The following CDKL1 variants were observed in gnomAD, a reference collection of about 807,000 sequenced individuals.
CDKL1 encodes the protein cyclin-dependent kinase-like 1.
In CDKL1, 41 loss-of-function variants were observed where a neutral mutation model predicts 42.0. The observed-to-expected ratio is 0.98, with a 90% CI of 0.76 to 1.27. The LOEUF (loss-of-function observed/expected upper bound fraction) is 1.27. Ranked by LOEUF, CDKL1 falls within the 50% of genes most tolerant of loss-of-function variation. The probability of loss-of-function intolerance (pLI) is 0.00; values close to 1 mark genes in which losing one functional copy is unlikely to be tolerated. For missense variants in CDKL1, 394 were observed against 428.4 expected, an observed-to-expected ratio of 0.92 and a Z score of 0.71; for synonymous variants, 153 against 158.6, an observed-to-expected ratio of 0.96 and a Z score of 0.26.
intron 3 of CDKL1, among the ~76,000 whole-genome samples, chr14:50,355,173 T>A (rs992358650): frequency 2.6e-5 from 4 of 152,222 alleles, no homozygotes; most frequent in African/African-American, 9.6e-5. Context: ...TAAAACTTTA[T>A]TATAATTTAC....
intron 2 of CDKL1, chr14:50,380,221 T>C (rs1441453017): frequency 1.9e-6 from 1 of 532,496 alleles, no homozygotes; most frequent in Non-Finnish European, 3.8e-6. Flanking sequence ...AAATAGTAAA[T>C]CCGAAGCAAA....
intron 7 of CDKL1, among the ~76,000 whole-genome samples, chr14:50,336,423 G>A (rs1231654485): frequency 6.6e-6 from 1 of 152,168 alleles, no homozygotes; most frequent in African/African-American, 2.4e-5. Flanking sequence ...GGAATGTCCA[G>A]ATCACAAGGA....
At chr14:50,334,461 A>G (rs1261739744) in intron 8 of CDKL1, 104 bp downstream of exon 8, 8 of 779,160 alleles carry the variant, frequency 1.0e-5, no homozygotes, top group Non-Finnish European at 1.8e-5. Flanking sequence ...GAAGAATTCT[A>G]AAAGGAACAC....
At position 50,396,347 on chromosome 14, in the gene CDKL1, A is replaced by T; in HGVS notation, c.-461-18T>A. The T allele has an allele frequency of 4.0e-6, 4 of 988,000 alleles. No individual in the cohort carries two copies. The highest frequency in any genetic ancestry group is 4.8e-6 in the Non-Finnish European group (4 of 831,948). The allele number at this position is 988,000 out of a possible 1,614,324, so 61.2% of individuals were successfully genotyped here. A position where few individuals can be genotyped will look rare whatever the true frequency, so the allele number is the denominator to read the frequency against. On this transcript the variant is annotated intron_variant, in intron 1 of 9. Transcript: ENST00000395834. Reference sequence around the variant, plus strand: ...TCACGGTCCTAGAACAGAACAGCACATGTTAAGGAATGAAGAGTGTACCCG... The same window carrying T: ...TCACGGTCCTAGAACAGAACAGCACTTGTTAAGGAATGAAGAGTGTACCCG...
At chr14:50,334,705 T>C (rs1445588061) in intron 7 of CDKL1, 84 bp from the exon 8 acceptor site, 1 of 888,646 alleles carries the variant, frequency 1.1e-6, no homozygotes, top group Non-Finnish European at 1.9e-6. Context: ...ATAGAAACAT[T>C]TTCCTGGCAC....
At chr14:50,374,933 G>A (rs547718203) in intron 2 of CDKL1, among the ~76,000 whole-genome samples, 1 of 152,248 alleles carries the variant, frequency 6.6e-6, no homozygotes, top group South Asian at 2.1e-4. Flanking sequence ...ACTGGGTCCT[G>A]TTGGGGGTTG....
intron 2 of CDKL1, chr14:50,363,897 A>G (rs1160948822): frequency 6.6e-6 from 1 of 152,102 alleles, no homozygotes; most frequent in Non-Finnish European, 1.5e-5. Flanking sequence ...AATTTCTCTC[A>G]CTTCCTAGAA....
chr14:50,332,007 C>G, intron 9 of CDKL1: 1 of 1,532,458 alleles, frequency 6.5e-7, no homozygotes, highest in Non-Finnish European at 8.7e-7. Flanking sequence ...CTTGTTGAGA[C>G]CTGTGCTCAT....
chr14:50,372,650 G>C (rs752054262), intron 2 of CDKL1, among the ~76,000 whole-genome samples: 3 of 152,100 alleles, frequency 2.0e-5, no homozygotes, highest in Non-Finnish European at 4.4e-5. Context: ...TTCCCCCTAT[G>C]TTTTCTTCTA....
chr14:50,342,276 T>C, intron 4 of CDKL1, 54 bp from the exon 5 acceptor site: 1 of 1,540,374 alleles, frequency 6.5e-7, no homozygotes, highest in Non-Finnish European at 9.0e-7. Context: ...ATATATGGGA[T>C]AAATGAAACA....
chr14:50,339,532 G>A lies in CDKL1; in HGVS notation c.656-503C>T, dbSNP rs148178458. 1.8e-3 allele frequency among the ~76,000 whole-genome samples: 264 copies of A among 147,364 alleles called. 1 individual carries two copies. Among genetic ancestry groups the A allele is most frequent in the African/African-American group, 5.8e-3 (232 of 40,048 alleles). ...AGAGAGGGAGGGAGGAAGAGAGGGA[G>A]GGAGGGAGGGGAGGGGAGGGGAAGG... On this transcript the variant is annotated intron_variant, in intron 6 of 9. Transcript: ENST00000395834.
chr14:50,347,951 T>C (rs2033781915), intron 3 of CDKL1, among the ~76,000 whole-genome samples: 1 of 152,152 alleles, frequency 6.6e-6, no homozygotes, highest in African/African-American at 2.4e-5. Flanking sequence ...CTGAAGAAAG[T>C]GTGTCAAAGG....
Position 50,328,719 on chromosome 14 carries a change from G to A in CDKL1, c.*1355C>T, listed in dbSNP as rs2032795517. On this transcript the variant is annotated 3_prime_UTR_variant, in exon 10 of 10. Coordinates refer to ENST00000395834, the MANE Select transcript of CDKL1 (RefSeq NM_004196.7). ...AATTATGTCATTTTGGCCAGGCGCA[G>A]TGGCTCATGCCTGTAATGCCAGCAC... is the stretch of plus-strand genomic sequence containing the variant. 1 of 152,104 alleles carries A rather than the reference G, an allele frequency of 6.6e-6. No homozygotes were observed. Among genetic ancestry groups the A allele is most frequent in the Admixed American group, 6.6e-5 (1 of 15,262 alleles). The allele number at this position is 152,104 out of a possible 1,614,324, so 9.4% of individuals were successfully genotyped here. A position where few individuals can be genotyped will look rare whatever the true frequency, so the allele number is the denominator to read the frequency against.
intron 7 of CDKL1, among the ~76,000 whole-genome samples, chr14:50,337,553 A>G (rs780531127): frequency 2.0e-5 from 3 of 150,866 alleles, no homozygotes; most frequent in Non-Finnish European, 3.0e-5. Flanking sequence ...GGGTCTTGCT[A>G]TGTTGCCCAG....
chr14:50,338,576 G>A (rs749697173), intron 7 of CDKL1, among the ~76,000 whole-genome samples: 2 of 152,010 alleles, frequency 1.3e-5, no homozygotes, highest in Non-Finnish European at 2.9e-5. Flanking sequence ...GGAGACCATG[G>A]GCATAGTAGA....
At chr14:50,358,987 C>CA (rs762839612) in intron 3 of CDKL1, 41 bp downstream of exon 3, 7 of 1,582,794 alleles carry the variant, frequency 4.4e-6, no homozygotes, top group Middle Eastern at 1.7e-4. Flanking sequence ...TCACAAATCC[C>CA]AGTGTGTCTT....
chr14:50,342,566 T>G (rs1215268945), intron 4 of CDKL1: 3 of 328,154 alleles, frequency 9.1e-6, no homozygotes, highest in Non-Finnish European at 1.4e-5. Flanking sequence ...GCACTTGGGA[T>G]GTACTTATAC....
chr14:50,335,875 GT>G, intron 7 of CDKL1: 1 of 1,267,722 alleles, frequency 7.9e-7, no homozygotes, highest in Non-Finnish European at 1.0e-6. Flanking sequence ...ATTGATAAGA[GT>G]AGGAGAGAAG....
chr14:50,339,590 A>G (rs1336021779), intron 6 of CDKL1, among the ~76,000 whole-genome samples: 1 of 152,124 alleles, frequency 6.6e-6, no homozygotes, highest in African/African-American at 2.4e-5. Context: ...TTTTCTAGCT[A>G]GAAGGAATAC....
Sources: allele counts gnomAD v4.1 joint callset (sites outside exome capture counted in the v4.1 genomes callset), GRCh38; gene constraint gnomAD v4.1.1; transcripts MANE v1.5; gene names NCBI Gene and HGNC (gene_info 2026-07-23, HGNC 2026-07-21).